The following NAV2 variants were observed in gnomAD, a reference collection of about 807,000 sequenced individuals.
NAV2 encodes the protein helicase, APC down-regulated 1.
A neutral mutation model predicts 223.2 loss-of-function variants in NAV2; 54 were observed. The observed-to-expected ratio is 0.24, with a 90% CI of 0.19 to 0.30. The LOEUF (loss-of-function observed/expected upper bound fraction) is 0.30, where lower values mean the gene tolerates loss of function less well. NAV2 is among the 10% of genes least tolerant of loss of function. The pLI is 1.00. For synonymous variants in NAV2, 1,279 were observed against 1,239.3 expected, an observed-to-expected ratio of 1.03 and a Z score of -0.67; for missense variants, 2,806 against 3,147.5, an observed-to-expected ratio of 0.89 and a Z score of 2.60.
intron 12 of NAV2, among the ~76,000 whole-genome samples, chr11:20,040,370 T>C (rs1371744423): frequency 6.6e-6 from 1 of 152,204 alleles, no homozygotes; most frequent in Non-Finnish European, 1.5e-5. Flanking sequence ...AACCACTGTT[T>C]ATTGAGTCCC....
chr11:19,842,974 C>G, intron 3 of NAV2, 51 bp downstream of exon 3: 1 of 1,486,782 alleles, frequency 6.7e-7, no homozygotes, highest in South Asian at 1.2e-5. Flanking sequence ...CAAGCCCTGC[C>G]TCTAAGTGAT....
intron 1 of NAV2, among the ~76,000 whole-genome samples, chr11:19,536,015 C>G (rs1257204130): frequency 6.6e-6 from 1 of 152,188 alleles, no homozygotes; most frequent in East Asian, 1.9e-4. Flanking sequence ...GGCTTCAACC[C>G]AGGCTCAGAG....
At chr11:19,353,153 G>A (rs1853423507) in intron 1 of NAV2, among the ~76,000 whole-genome samples, 1 of 152,180 alleles carries the variant, frequency 6.6e-6, no homozygotes, top group Non-Finnish European at 1.5e-5. Flanking sequence ...GCATGCTTAA[G>A]TTACCAAGCA....
In NAV2 at chr11:19,749,815, C is replaced by T. The variant is rs767731837; in HGVS notation, c.267+35853C>T. Among the ~76,000 whole-genome samples the T allele has an allele frequency of 3.3e-5, 5 of 152,308 alleles. 1 individual carries two copies. The highest frequency in any genetic ancestry group is 7.4e-5 in the Non-Finnish European group (5 of 68,018). ...AAGGAATTCAGGCTAGAGACTTTCACGAATAAAAGTGCAAAGTCCACAAAA... is the reference window on the plus strand; with the variant it reads ...AAGGAATTCAGGCTAGAGACTTTCATGAATAAAAGTGCAAAGTCCACAAAA... On this transcript the variant is annotated intron_variant, in intron 1 of 37. Transcript: ENST00000349880.
chr11:20,056,653 G>A (rs772424566), intron 19 of NAV2: 3 of 1,498,398 alleles, frequency 2.0e-6, no homozygotes, highest in Admixed American at 3.3e-5. Flanking sequence ...AAAATTCTGT[G>A]GAGGATATCA....
chr11:19,984,819 G>A (rs908861018), intron 11 of NAV2, among the ~76,000 whole-genome samples: 1 of 152,206 alleles, frequency 6.6e-6, no homozygotes, highest in South Asian at 2.1e-4. Flanking sequence ...AAATACTGTG[G>A]TAATAAAAGA....
intron 1 of NAV2, among the ~76,000 whole-genome samples, chr11:19,802,043 G>A (rs1010236794): frequency 1.3e-5 from 2 of 152,114 alleles, no homozygotes; most frequent in African/African-American, 4.8e-5. Flanking sequence ...AGTATTTATA[G>A]GAATTTGAAA....
chr11:19,650,472 T>G (rs150337090), intron 1 of NAV2, among the ~76,000 whole-genome samples: 38 of 152,294 alleles, frequency 2.5e-4, no homozygotes, highest in African/African-American at 8.7e-4. Context: ...GACAATAAAT[T>G]CCTGTTGTTT....
intron 1 of NAV2, among the ~76,000 whole-genome samples, chr11:19,476,100 G>C (rs546865009): frequency 1.3e-5 from 2 of 152,082 alleles, no homozygotes; most frequent in Non-Finnish European, 2.9e-5. Flanking sequence ...TCAGCCTCCC[G>C]AGTAGCTGGG....
chr11:20,077,641 G>A lies in NAV2; in HGVS notation c.5067+6G>A, dbSNP rs1443205456. On this transcript the variant is annotated splice_donor_region_variant and intron_variant, in intron 23 of 37. Coordinates refer to ENST00000349880, the MANE Select transcript of NAV2 (RefSeq NM_145117.5). ...CCATGACAGCTGAGCAGAAGGTAAG[G>A]CAGAAAGGATACTTTAACCCTCCCT... The A allele has an allele frequency of 6.2e-7, 1 of 1,611,682 alleles. No homozygotes were observed. The highest frequency in any genetic ancestry group is 2.2e-5 in the East Asian group (1 of 44,856).
chr11:20,072,569 A>G (rs979369714), intron 22 of NAV2, among the ~76,000 whole-genome samples: 2 of 152,196 alleles, frequency 1.3e-5, no homozygotes, highest in Non-Finnish European at 2.9e-5. Flanking sequence ...ATCCATGAAC[A>G]TGGAATGTTT....
intron 3 of NAV2, among the ~76,000 whole-genome samples, chr11:19,866,003 A>G (rs976681724): frequency 4.1e-4 from 63 of 152,242 alleles, no homozygotes; most frequent in African/African-American, 1.3e-3. Context: ...TCTGCCATTG[A>G]CATTGACCTG....
At chr11:19,547,049 T>A (rs553823904) in intron 1 of NAV2, among the ~76,000 whole-genome samples, 1 of 152,336 alleles carries the variant, frequency 6.6e-6, no homozygotes, top group African/African-American at 2.4e-5. Context: ...ACCGGAACTG[T>A]GTCCTGCTGC....
At chr11:19,892,651 A>G in intron 6 of NAV2, 57 bp downstream of exon 6, 1 of 1,565,128 alleles carries the variant, frequency 6.4e-7, no homozygotes, top group Non-Finnish European at 8.7e-7. Flanking sequence ...ACATCTACCT[A>G]GTTCCTTCGG....
Position 19,603,631 on chromosome 11 carries a change from C to CAAAAAA in NAV2, c.76-228840_76-228835dup, listed in dbSNP as rs1222524445. 1.9e-3 allele frequency among the ~76,000 whole-genome samples: 107 copies of CAAAAAA among 57,678 alleles called. 1 individual carries two copies. The highest frequency in any genetic ancestry group is 4.7e-3 in the African/African-American group (102 of 21,918). The allele number at this position is 57,678 out of a possible 152,430, so 37.8% of individuals were successfully genotyped here. On this transcript the variant is annotated intron_variant, in intron 1 of 37. Coordinates refer to the NAV2 transcript ENST00000360655. ...TGGGCAACAGAGCCAGACTCCATCT[C>CAAAAAA]AAAAAAAAAAAAAAAAAAGAAAAAA...
intron 1 of NAV2, among the ~76,000 whole-genome samples, chr11:19,586,119 T>C (rs2135084471): frequency 6.6e-6 from 1 of 152,338 alleles, no homozygotes; most frequent in East Asian, 1.9e-4. Flanking sequence ...TCTCACTTCA[T>C]TTCATTCATT....
intron 1 of NAV2, among the ~76,000 whole-genome samples, chr11:19,660,677 T>C (rs985676992): frequency 2.6e-5 from 4 of 152,296 alleles, no homozygotes; most frequent in African/African-American, 7.2e-5. Flanking sequence ...CAAGATATAG[T>C]ACAAAAGTAA....
chr11:19,599,111 A>C (rs1251949605), intron 1 of NAV2, among the ~76,000 whole-genome samples: 2 of 152,194 alleles, frequency 1.3e-5, no homozygotes, highest in Admixed American at 1.3e-4. Context: ...CTGTGCCATC[A>C]TGCTGGCCAG....
At chr11:19,380,147 T>G (rs1848788162) in intron 1 of NAV2, among the ~76,000 whole-genome samples, 1 of 152,204 alleles carries the variant, frequency 6.6e-6, no homozygotes, top group East Asian at 1.9e-4. Flanking sequence ...GTGGAATCTT[T>G]TTATGCAAAG....
Sources: allele counts gnomAD v4.1 joint callset (sites outside exome capture counted in the v4.1 genomes callset), GRCh38; gene constraint gnomAD v4.1.1; transcripts MANE v1.5; gene names NCBI Gene and HGNC (gene_info 2026-07-23, HGNC 2026-07-21).